The following RNF38 variants were observed in gnomAD, a reference collection of about 807,000 sequenced individuals.
RNF38 encodes the protein ring finger protein 38.
RNF38 carries 15 observed loss-of-function variants against 67.2 expected under a neutral mutation model. That is an observed-to-expected ratio of 0.22 (90% CI 0.15 to 0.34). The LOEUF (loss-of-function observed/expected upper bound fraction) is 0.34. RNF38 is among the 10% of genes least tolerant of loss of function. The pLI is 1.00. For synonymous variants in RNF38, 220 were observed against 218.8 expected (o/e 1.01, Z -0.05); for missense variants, 524 against 639.9 (o/e 0.82, Z 1.95).
upstream of RNF38, among the ~76,000 whole-genome samples, chr9:36,401,622 G>A (rs547623288): frequency 2.0e-5 from 3 of 152,220 alleles, no homozygotes; most frequent in African/African-American, 7.2e-5. Context: ...ATTGAAGCCG[G>A]CTTGGCTCCT....
At chr9:36,451,860 T>C (rs1379445997) in intron 1 of RNF38, among the ~76,000 whole-genome samples, 5 of 152,060 alleles carry the variant, frequency 3.3e-5, no homozygotes, top group African/African-American at 1.2e-4. Flanking sequence ...TGAGAAGCAC[T>C]GTGAATCACT....
intron 1 of RNF38, among the ~76,000 whole-genome samples, chr9:36,462,575 G>T (rs1360991120): frequency 6.6e-6 from 1 of 152,106 alleles, no homozygotes; most frequent in Non-Finnish European, 1.5e-5. Flanking sequence ...GCACACTTTT[G>T]CGTCAGGGCT....
At chr9:36,437,363 T>C (rs181211507) in intron 1 of RNF38, among the ~76,000 whole-genome samples, 1 of 152,306 alleles carries the variant, frequency 6.6e-6, no homozygotes, top group East Asian at 1.9e-4. Context: ...AGAGGAAAAA[T>C]CTACATAGCT....
rs957825805 is a variant in RNF38 at position 36,338,428 on chromosome 9, A to G, written c.*1324T>C. 1 of 152,238 alleles carries G rather than the reference A, an allele frequency of 6.6e-6. No homozygotes were observed. Among genetic ancestry groups the G allele is most frequent in the African/African-American group, 2.4e-5 (1 of 41,466 alleles). The allele number at this position is 152,238 out of a possible 1,614,324, so 9.4% of individuals were successfully genotyped here. Reference sequence around the variant, plus strand: ...AGGAAAGGCAGTAAAATATCAAAACAAATCAGGTCTAAGGAACATGAGCTG... The same window carrying G: ...AGGAAAGGCAGTAAAATATCAAAACGAATCAGGTCTAAGGAACATGAGCTG... On this transcript the variant is annotated 3_prime_UTR_variant, in exon 12 of 12. Transcript: ENST00000259605.
chr9:36,360,351 TA>T (rs1834438948), intron 4 of RNF38, among the ~76,000 whole-genome samples: 1 of 152,174 alleles, frequency 6.6e-6, no homozygotes, highest in Non-Finnish European at 1.5e-5. Flanking sequence ...TACCAACTTT[TA>T]AATTCTGGTA....
intron 2 of RNF38, among the ~76,000 whole-genome samples, chr9:36,385,080 T>C (rs1334251365): frequency 2.0e-5 from 3 of 152,160 alleles, no homozygotes; most frequent in Non-Finnish European, 2.9e-5. Context: ...AGGTTGGCAT[T>C]TGAAGCAAAT....
At chr9:36,396,141 T>C (rs1837492073) in intron 1 of RNF38, among the ~76,000 whole-genome samples, 1 of 152,258 alleles carries the variant, frequency 6.6e-6, no homozygotes, top group Non-Finnish European at 1.5e-5. Flanking sequence ...ACATGGCACA[T>C]AGCAGGCATT....
chr9:36,418,245 C>G (rs1365778707), intron 2 of RNF38, among the ~76,000 whole-genome samples: 1 of 151,950 alleles, frequency 6.6e-6, no homozygotes, highest in Non-Finnish European at 1.5e-5. Context: ...CCAGGCTGGT[C>G]AGCTGGTCTC....
chr9:36,484,594 C>G (rs752276259), intron 1 of RNF38, among the ~76,000 whole-genome samples: 2 of 152,016 alleles, frequency 1.3e-5, no homozygotes, highest in Non-Finnish European at 2.9e-5. Context: ...AAATAAAGCC[C>G]TTTTGGGTAC....
At chr9:36,409,573 C>T (rs1365692596) in intron 2 of RNF38, among the ~76,000 whole-genome samples, 3 of 152,142 alleles carry the variant, frequency 2.0e-5, no homozygotes, top group Non-Finnish European at 4.4e-5. Flanking sequence ...CTAGGGAATT[C>T]TGGTGGAGCT....
chr9:36,478,709 C>T (rs1003501434), intron 1 of RNF38, among the ~76,000 whole-genome samples: 100 of 150,428 alleles, frequency 6.6e-4, no homozygotes, highest in Non-Finnish European at 2.7e-4. Context: ...TCCAGCTACT[C>T]GGGAGGCTAA....
At chr9:36,344,500 A>G (rs1833073218) in intron 10 of RNF38, among the ~76,000 whole-genome samples, 1 of 152,244 alleles carries the variant, frequency 6.6e-6, no homozygotes, top group Admixed American at 6.5e-5. Context: ...AAAATTGCTA[A>G]GCAACATAAA....
intron 1 of RNF38, among the ~76,000 whole-genome samples, chr9:36,452,943 A>G (rs1839492769): frequency 6.6e-6 from 1 of 152,228 alleles, no homozygotes; most frequent in South Asian, 2.1e-4. Context: ...GCTATAATGA[A>G]TAATGATCAA....
intron 1 of RNF38, among the ~76,000 whole-genome samples, chr9:36,483,464 A>C (rs1411344188): frequency 1.3e-5 from 2 of 152,088 alleles, no homozygotes; most frequent in East Asian, 1.9e-4. Context: ...TAACAAAGAC[A>C]AACAGGCACT....
intron 6 of RNF38, among the ~76,000 whole-genome samples, chr9:36,356,012 A>G (rs1360528120): frequency 1.3e-5 from 2 of 151,992 alleles, no homozygotes; most frequent in Non-Finnish European, 2.9e-5. Context: ...ATGCCCGGCT[A>G]ATTTTTGTAC....
intron 1 of RNF38, among the ~76,000 whole-genome samples, chr9:36,462,699 G>C (rs897169616): frequency 1.3e-5 from 2 of 149,348 alleles, no homozygotes; most frequent in Non-Finnish European, 3.0e-5. Context: ...TTTTGAGACA[G>C]AGTCCTGCTC....
chr9:36,473,716 G>A (rs1157341366), intron 1 of RNF38, among the ~76,000 whole-genome samples: 1 of 152,092 alleles, frequency 6.6e-6, no homozygotes, highest in East Asian at 1.9e-4. Context: ...TCCAGGCGCG[G>A]TGGCTCACAC....
intron 1 of RNF38, among the ~76,000 whole-genome samples, chr9:36,479,203 C>CG (rs1840191792): frequency 1.3e-5 from 2 of 152,282 alleles, no homozygotes; most frequent in Admixed American, 1.3e-4. Context: ...CCCCGCCTGC[C>CG]CCCACTACTT....
At chr9:36,449,907 C>T (rs1294611176) in intron 1 of RNF38, among the ~76,000 whole-genome samples, 1 of 152,124 alleles carries the variant, frequency 6.6e-6, no homozygotes, top group Non-Finnish European at 1.5e-5. Context: ...ATTTTGGAAG[C>T]TCACTGATTT....
Sources: gnomAD v4.1 joint callset for allele counts (sites outside exome capture counted in the v4.1 genomes callset) on GRCh38, gnomAD v4.1.1 for gene constraint, MANE v1.5 for transcripts, NCBI Gene and HGNC (gene_info 2026-07-23, HGNC 2026-07-21) for gene names.